Variants in ADGRB1 observed in about 807,000 individuals in gnomAD.
ADGRB1 encodes the protein brain-specific angiogenesis inhibitor 1.
Under a neutral mutation model 175.7 loss-of-function variants are expected in ADGRB1, and 36 were observed. That is an observed-to-expected ratio of 0.20 (90% CI 0.16 to 0.27). ADGRB1 has a LOEUF of 0.27. Among genes scored for constraint, ADGRB1 ranks in the 10% least tolerant of loss-of-function variants. The pLI is 1.00. For synonymous variants in ADGRB1, 1,054 were observed against 979.4 expected (o/e 1.08, Z -1.42); for missense variants, 1,731 against 2,255.3 (o/e 0.77, Z 4.71).
chr8:142,538,132 G>A (rs903810269), intron 26 of ADGRB1, among the ~76,000 whole-genome samples: 10 of 152,176 alleles, frequency 6.6e-5, no homozygotes, highest in African/African-American at 1.9e-4. Context: ...GCGCACTCCC[G>A]TGGGTCCCCT....
chr8:142,484,254 C>T (rs1043429484), intron 12 of ADGRB1, among the ~76,000 whole-genome samples: 6 of 152,278 alleles, frequency 3.9e-5, no homozygotes, highest in African/African-American at 1.4e-4. Context: ...TCATTTATTT[C>T]CTGGGGCTCA....
intron 1 of ADGRB1, among the ~76,000 whole-genome samples, chr8:142,459,255 G>A (rs1312417145): frequency 6.6e-6 from 1 of 152,210 alleles, no homozygotes; most frequent in Non-Finnish European, 1.5e-5. Flanking sequence ...CACGGAGCAT[G>A]GATTTTGAGG....
At chr8:142,487,797 A>G (rs761997663) in intron 13 of ADGRB1, among the ~76,000 whole-genome samples, 5 of 151,928 alleles carry the variant, frequency 3.3e-5, no homozygotes, top group Admixed American at 2.0e-4. Flanking sequence ...CGCACCCCCA[A>G]TGCCTTCCTT....
intron 3 of ADGRB1, among the ~76,000 whole-genome samples, 185 bp from the exon 4 acceptor site, chr8:142,476,400 C>T (rs1463881387): frequency 6.6e-6 from 1 of 152,114 alleles, no homozygotes; most frequent in Non-Finnish European, 1.5e-5. Context: ...GAGACAGGAC[C>T]CACAGGAAGG....
chr8:142,543,726 G>A lies in ADGRB1; in HGVS notation c.4557+18G>A, dbSNP rs1845423444. Reference sequence around the variant, plus strand: ...ACAGCAAGGTCTGGAGGGCAGGGAGGGGCGGGGTGGGGAGAGCCCTTAGGT... The same window carrying A: ...ACAGCAAGGTCTGGAGGGCAGGGAGAGGCGGGGTGGGGAGAGCCCTTAGGT... On this transcript the variant is annotated intron_variant, in intron 30 of 30. Transcript: ENST00000517894. The surrounding 1 kb of genome is among the most constrained non-coding windows in gnomAD (Gnocchi z 4.4). The A allele has an allele frequency of 1.3e-6, 2 of 1,538,632 alleles. No homozygotes were observed. Among genetic ancestry groups the A allele is most frequent in the African/African-American group, 1.4e-5 (1 of 72,582 alleles).
At chr8:142,481,124 G>C (rs553906388) in intron 9 of ADGRB1, 130 bp from the exon 10 acceptor site, 52 of 779,024 alleles carry the variant, frequency 6.7e-5, no homozygotes, top group African/African-American at 6.5e-4. Context: ...CTCTCGGCGT[G>C]AGGCCATGGG....
At chr8:142,458,780 G>T (rs1473525352) in intron 1 of ADGRB1, among the ~76,000 whole-genome samples, 1 of 152,234 alleles carries the variant, frequency 6.6e-6, no homozygotes, top group Non-Finnish European at 1.5e-5. Flanking sequence ...CCTGGAGAAG[G>T]TGATGAGAAA....
chr8:142,464,185 C>T lies in ADGRB1; in HGVS notation c.-14C>T. The T allele has an allele frequency of 1.6e-6, 2 of 1,259,808 alleles. No homozygotes were observed. The highest frequency in any genetic ancestry group is 3.2e-5 in the South Asian group (1 of 30,882). 78.0% of individuals were successfully genotyped at this position (1,259,808 alleles called of 1,614,324 possible). On this transcript the variant is annotated 5_prime_UTR_variant, in exon 2 of 31. Transcript: ENST00000517894. ...TGCCCAGCCCGCGGAACCCCGGCGG[C>T]CCCGCGAGCTAGGATGAGGGGCCAG...
intron 2 of ADGRB1, among the ~76,000 whole-genome samples, chr8:142,469,476 TGTGA>T (rs772724844): frequency 1.8e-3 from 269 of 147,584 alleles, no homozygotes; most frequent in African/African-American, 5.5e-3. Context: ...CACGTGCATG[TGTGA>T]GTGTGTATGC....
At chr8:142,460,395 G>C (rs1839911931) in intron 1 of ADGRB1, among the ~76,000 whole-genome samples, 2 of 152,216 alleles carry the variant, frequency 1.3e-5, no homozygotes, top group South Asian at 4.1e-4. Flanking sequence ...GGCCAGTTCT[G>C]TGGGTCTCAA....
intron 1 of ADGRB1, among the ~76,000 whole-genome samples, chr8:142,451,260 G>A (rs1839334211): frequency 2.0e-5 from 3 of 152,196 alleles, no homozygotes; most frequent in African/African-American, 7.2e-5. Flanking sequence ...GGCGGCTCCT[G>A]CTTGGCCACT....
At chr8:142,473,047 G>C (rs1840750210) in intron 2 of ADGRB1, among the ~76,000 whole-genome samples, 1 of 152,136 alleles carries the variant, frequency 6.6e-6, no homozygotes, top group Non-Finnish European at 1.5e-5. Flanking sequence ...CACCACCTGG[G>C]TCACCAAGGT....
intron 17 of ADGRB1, 52 bp downstream of exon 17, chr8:142,490,867 G>T: frequency 1.9e-6 from 3 of 1,547,650 alleles, no homozygotes; most frequent in Non-Finnish European, 2.6e-6. Context: ...GGGTTCGTGG[G>T]AGGCTGGCCC....
chr8:142,449,799 C>T lies in ADGRB1; in HGVS notation c.-525C>T, dbSNP rs888039987. The T allele has an allele frequency of 6.8e-6, 1 of 146,436 alleles. No homozygotes were observed. Among genetic ancestry groups the T allele is most frequent in the African/African-American group, 2.5e-5 (1 of 40,670 alleles). 9.1% of individuals were successfully genotyped at this position (146,436 alleles called of 1,614,324 possible). On this transcript the variant is annotated 5_prime_UTR_variant, in exon 1 of 31. Coordinates refer to ENST00000517894, the MANE Select transcript of ADGRB1 (RefSeq NM_001702.3). ...GAGCCGGGAGCACAGGCGGCCGCGC[C>T]GCGTCCTGGCCCGGCCCGGGCCCGC...
At chr8:142,459,249 G>A (rs950944193) in intron 1 of ADGRB1, among the ~76,000 whole-genome samples, 3 of 152,224 alleles carry the variant, frequency 2.0e-5, no homozygotes, top group African/African-American at 7.2e-5. Flanking sequence ...GAGAAGCACG[G>A]AGCATGGATT....
intron 25 of ADGRB1, among the ~76,000 whole-genome samples, chr8:142,535,656 G>A (rs1844881057): frequency 6.6e-6 from 1 of 152,198 alleles, no homozygotes; most frequent in South Asian, 2.1e-4. Context: ...TCCCTCGTCT[G>A]CCCATGAGGC....
chr8:142,521,849 G>C, intron 20 of ADGRB1, 116 bp from the exon 21 acceptor site: 1 of 1,210,384 alleles, frequency 8.3e-7, no homozygotes, highest in Non-Finnish European at 1.1e-6. Flanking sequence ...GGACCTGGTT[G>C]GGTCCCAGTG....
intron 17 of ADGRB1, among the ~76,000 whole-genome samples, chr8:142,499,955 C>G (rs1319323109): frequency 1.1e-5 from 1 of 88,772 alleles, no homozygotes; most frequent in Non-Finnish European, 2.2e-5. Context: ...TCAATGCCCA[C>G]CCGGTTCCTT....
intron 2 of ADGRB1, among the ~76,000 whole-genome samples, chr8:142,469,157 ATGTGTG>A (rs113952171): frequency 1.7e-4 from 1 of 6,038 alleles, no homozygotes; most frequent in Non-Finnish European, 5.3e-4. Context: ...GCATGCGTGC[ATGTGTG>A]TGTGTGTGCA....
Sources: allele counts gnomAD v4.1 joint callset (sites outside exome capture counted in the v4.1 genomes callset), GRCh38; gene constraint gnomAD v4.1.1; non-coding constraint Gnocchi (gnomAD v3.1); transcripts MANE v1.5; gene names NCBI Gene and HGNC (gene_info 2026-07-23, HGNC 2026-07-21).